The following KLKB1 variants were observed in gnomAD, a reference collection of about 807,000 sequenced individuals.
The protein encoded by KLKB1 is plasma kallikrein.
In KLKB1, 58 loss-of-function variants were observed where a neutral mutation model predicts 73.6. The observed-to-expected ratio is 0.79, with a 90% confidence interval of 0.64 to 0.98. KLKB1 has a LOEUF of 0.98. KLKB1 is among the 50% of genes least tolerant of loss of function. The probability of loss-of-function intolerance (pLI) is 0.00; values close to 1 mark genes in which losing one functional copy is unlikely to be tolerated. For synonymous variants in KLKB1, 280 were observed against 258.1 expected (o/e 1.08, Z -0.81); for missense variants, 737 against 763.8 (o/e 0.96, Z 0.41).
In KLKB1 at chr4:186,232,145, A is replaced by G. The variant is rs1259601559; in HGVS notation, c.77A>G (p.Tyr26Cys). 1.9e-6 allele frequency: 3 copies of G among 1,612,708 alleles called. No individual in the cohort carries two copies. Among genetic ancestry groups the G allele is most frequent in the Admixed American group, 3.3e-5 (2 of 59,932 alleles). The change falls in exon 3 of 15, where the codon TAT becomes TGT. Residue 26 changes from tyrosine (Y) to cysteine (C), a missense_variant. Tyr to Cys is a radical substitution (Grantham distance 194). Transcript: ENST00000264690. The part of the protein sequence containing the change: ...TVSCGCLTQL[Y>C]ENAFFRGGDV... Reference sequence around the variant, plus strand: ...GTCACAGGATGTCTGACTCAACTCTATGAAAACGCCTTCTTCAGAGGTGGG... The same window carrying G: ...GTCACAGGATGTCTGACTCAACTCTGTGAAAACGCCTTCTTCAGAGGTGGG...
chr4:186,219,889 C>T (rs955627448), intron 2 of KLKB1, among the ~76,000 whole-genome samples: 5 of 152,106 alleles, frequency 3.3e-5, no homozygotes, highest in Admixed American at 3.3e-4. Flanking sequence ...CATACTCTTC[C>T]TTACCTCCAC....
At chr4:186,246,877 C>G (rs1738383201) in intron 6 of KLKB1, among the ~76,000 whole-genome samples, 1 of 152,186 alleles carries the variant, frequency 6.6e-6, no homozygotes, top group Non-Finnish European at 1.5e-5. Context: ...GAAAGACTAT[C>G]TTCCCAAGTC....
At chr4:186,217,329 G>T (rs530994974) in intron 2 of KLKB1, among the ~76,000 whole-genome samples, 1 of 152,122 alleles carries the variant, frequency 6.6e-6, no homozygotes, top group Non-Finnish European at 1.5e-5. Flanking sequence ...GCTGAGCCTG[G>T]TAGCTGATGA....
rs1561468964 is a variant in KLKB1, at chr4:186,257,276, G to T, written c.1636G>T (p.Glu546Ter). ...GGTAAATATTCCTTTGGTAACAAATGAAGAATGCCAGAAAAGATATCAAGA... is the reference window on the plus strand; with the variant it reads ...GGTAAATATTCCTTTGGTAACAAATTAAGAATGCCAGAAAAGATATCAAGA... ...QKVNIPLVTN[E>*]ECQKRYQDYK... The change falls in exon 14 of 15, where the codon GAA (glutamate) becomes TAA (stop). Residue 546 changes from glutamate (E) to a stop codon, truncating the protein, a stop_gained. Coordinates refer to ENST00000264690, the MANE Select transcript of KLKB1 (RefSeq NM_000892.5). LOFTEE classifies it high-confidence loss of function. 2 of 1,601,876 alleles carry T rather than the reference G, an allele frequency of 1.2e-6. No homozygotes were observed. Among genetic ancestry groups the T allele is most frequent in the African/African-American group, 1.3e-5 (1 of 74,684 alleles).
chr4:186,232,103 T>C, intron 2 of KLKB1, 24 bp from the exon 3 acceptor site: 1 of 1,571,932 alleles, frequency 6.4e-7, no homozygotes, highest in Admixed American at 1.9e-5. Context: ...TTATCGCAAA[T>C]TAATTTTTAT....
intron 2 of KLKB1, among the ~76,000 whole-genome samples, chr4:186,218,743 T>G (rs920737022): frequency 1.3e-5 from 2 of 152,240 alleles, no homozygotes; most frequent in Non-Finnish European, 2.9e-5. Flanking sequence ...TCACCATGTT[T>G]GCATTAGTCA....
At position 186,237,645 on chromosome 4, in the gene KLKB1, A is replaced by AT. The variant is rs1429686333; in HGVS notation, c.489-604dup. ...AATCACAATTTGATATTAACTTGTG[A>AT]TTTTTTTCCTTATTTTTAAATCTTA... On this transcript the variant is annotated intron_variant, in intron 5 of 14. Transcript: ENST00000264690. Among the ~76,000 whole-genome samples the AT allele has an allele frequency of 3.9e-5, 6 of 151,972 alleles. No homozygotes were observed. In the South Asian group the frequency reaches 1.0e-3, roughly 26 times the overall value.
chr4:186,216,064 C>A (rs540076073), intron 2 of KLKB1, among the ~76,000 whole-genome samples: 2 of 152,302 alleles, frequency 1.3e-5, no homozygotes, highest in African/African-American at 4.8e-5. Context: ...AGAACAAGGA[C>A]CAATCAGAAT....
intron 6 of KLKB1, among the ~76,000 whole-genome samples, chr4:186,245,500 G>A (rs1738284004): frequency 6.6e-6 from 1 of 152,212 alleles, no homozygotes; most frequent in Non-Finnish European, 1.5e-5. Flanking sequence ...CCACACAGAT[G>A]AGACACAGCT....
chr4:186,242,705 G>C (rs4253276), intron 6 of KLKB1, among the ~76,000 whole-genome samples: 8,673 of 152,170 alleles, frequency 0.057, 496 homozygotes, highest in East Asian at 0.25. Flanking sequence ...GCCTAAGGGG[G>C]TTCAGTGTAA....
At chr4:186,250,206 A>G (rs373116662) in intron 6 of KLKB1, 37 bp from the exon 7 acceptor site, 22 of 1,604,618 alleles carry the variant, frequency 1.4e-5, no homozygotes, top group Non-Finnish European at 1.7e-5. Context: ...GCCTCATGTC[A>G]TTTCCTAAGG....
rs2292423 is a variant in KLKB1 at position 186,254,568 on chromosome 4, T to A, written c.1314-20T>A. The stretch of plus-strand genomic sequence containing the variant: ...GAAGGACTGCCCAGTTTCAAACAGG[T>A]ATTTATTTTTCTCTCCTAGGCTTCC... On this transcript the variant is annotated intron_variant, in intron 11 of 14. Coordinates refer to ENST00000264690, the MANE Select transcript of KLKB1 (RefSeq NM_000892.5). The A allele has an allele frequency of 0.38, 614,568 of 1,603,760 alleles. 122,533 individuals carry two copies. The highest frequency in any genetic ancestry group is 0.41 in the Non-Finnish European group (479,471 of 1,170,808).
upstream of KLKB1, among the ~76,000 whole-genome samples, chr4:186,222,723 G>A (rs545968998): frequency 6.6e-6 from 1 of 152,288 alleles, no homozygotes; most frequent in South Asian, 2.1e-4. Flanking sequence ...GTATTTGACT[G>A]TATAAGAATA....
At chr4:186,238,390 G>T in intron 6 of KLKB1, 25 bp downstream of exon 6, 4 of 1,495,608 alleles carry the variant, frequency 2.7e-6, no homozygotes, top group Non-Finnish European at 3.7e-6. Flanking sequence ...ACTTCACTTT[G>T]TGATTGTGGT....
rs188582849 is a variant in KLKB1 at position 186,232,945 on chromosome 4, C to T, written c.221+656C>T. On this transcript the variant is annotated intron_variant, in intron 3 of 14. Coordinates refer to ENST00000264690, the MANE Select transcript of KLKB1 (RefSeq NM_000892.5). ...TTTGTGTGTGTGTGTGATGGAGTCT[C>T]GCTTTGTAGCCCAGGCTGGAGTGCA... Among the ~76,000 whole-genome samples the T allele has an allele frequency of 2.0e-4, 30 of 152,246 alleles. No homozygotes were observed. In the East Asian group the frequency reaches 4.8e-3, roughly 24 times the overall value.
chr4:186,254,817 C>A, intron 12 of KLKB1, 54 bp downstream of exon 12: 1 of 1,472,126 alleles, frequency 6.8e-7, no homozygotes, highest in Non-Finnish European at 9.5e-7. Context: ...TTGATATTTT[C>A]ATATCAGTTT....
Position 186,251,641 on chromosome 4 carries a change from G to A in KLKB1, c.1023G>A (p.Lys341=). The A allele has an allele frequency of 6.2e-7, 1 of 1,613,948 alleles. No homozygotes were observed. Among genetic ancestry groups the A allele is most frequent in the Non-Finnish European group, 8.5e-7 (1 of 1,179,892 alleles). Residue 341 remains lysine (K), a synonymous_variant, in exon 9 of 15, where the codon AAG becomes AAA. Coordinates refer to ENST00000264690, the MANE Select transcript of KLKB1 (RefSeq NM_000892.5). ...ATTCTTTACTCCCAGAAGACTGTAA[G>A]GAAGAGAAGTAAAGGAAATTTTATT... The part of the protein sequence containing the change: ...FTYSLLPEDC[K]EEKCKCFLRL...
intron 2 of KLKB1, among the ~76,000 whole-genome samples, chr4:186,215,581 T>TTATC (rs1187664576): frequency 1.4e-4 from 21 of 149,242 alleles, no homozygotes; most frequent in East Asian, 2.0e-4. Context: ...ATTTATTTAT[T>TTATC]TATCTATCTA....
At chr4:186,249,617 A>G (rs997341397) in intron 6 of KLKB1, among the ~76,000 whole-genome samples, 2 of 152,158 alleles carry the variant, frequency 1.3e-5, no homozygotes, top group African/African-American at 4.8e-5. Flanking sequence ...TTCCATATGA[A>G]TTTTAGGATG....
Sources: gnomAD v4.1 joint callset for allele counts (sites outside exome capture counted in the v4.1 genomes callset) on GRCh38, gnomAD v4.1.1 for gene constraint, MANE v1.5 for transcripts, NCBI Gene and HGNC (gene_info 2026-07-23, HGNC 2026-07-21) for gene names.